ERO1B: variants seen among roughly 807,000 people sequenced by gnomAD.
The protein encoded by ERO1B is ERO1-like protein beta.
ERO1B carries 49 observed loss-of-function variants against 75.3 expected under a neutral mutation model. The ratio of observed to expected loss-of-function variants is 0.65; its 90% CI spans 0.52 to 0.83. The LOEUF (loss-of-function observed/expected upper bound fraction) is 0.83. Ranked by LOEUF, ERO1B falls within the 40% of genes least tolerant of loss-of-function variation. The pLI, the probability that ERO1B is intolerant of heterozygous loss-of-function variation, is 0.00. For missense variants in ERO1B, 512 were observed against 560.1 expected (o/e 0.91, Z 0.87); for synonymous variants, 191 against 192.9 (o/e 0.99, Z 0.08).
intron 8 of ERO1B, among the ~76,000 whole-genome samples, chr1:236,234,387 G>A (rs967444216): frequency 6.6e-6 from 1 of 152,162 alleles, no homozygotes; most frequent in Non-Finnish European, 1.5e-5. Context: ...AGTATTAAGT[G>A]GCTGTAGAAA....
intron 1 of ERO1B, 27 bp from the exon 2 acceptor site, chr1:236,270,021 T>C (rs1402675066): frequency 8.7e-6 from 13 of 1,494,364 alleles, no homozygotes; most frequent in Admixed American, 3.9e-5. Context: ...TTAAAATATG[T>C]AAACTACTGA....
chr1:236,260,386 G>A lies in ERO1B; in HGVS notation c.223-6881C>T, dbSNP rs546244471. On this transcript the variant is annotated intron_variant, in intron 2 of 15. Coordinates refer to ENST00000354619, the MANE Select transcript of ERO1B (RefSeq NM_019891.4). ...ATCAAAGAAAGACGAGGCACTGGGCGCAGTGGCTCATGCCTGTAATCTCAG... is the reference window on the plus strand; with the variant it reads ...ATCAAAGAAAGACGAGGCACTGGGCACAGTGGCTCATGCCTGTAATCTCAG... Among the ~76,000 whole-genome samples the A allele has an allele frequency of 2.6e-4, 40 of 152,280 alleles. No individual in the cohort carries two copies. In the South Asian group the frequency reaches 2.9e-3, roughly 11 times the overall value.
chr1:236,225,261 G>A, intron 12 of ERO1B, 122 bp from the exon 13 acceptor site: 1 of 919,170 alleles, frequency 1.1e-6, no homozygotes, highest in African/African-American at 1.7e-5. Flanking sequence ...TCCGATGTAA[G>A]TTTTGGTAAT....
At chr1:236,247,791 G>C (rs1426503421) in intron 5 of ERO1B, among the ~76,000 whole-genome samples, 1 of 152,078 alleles carries the variant, frequency 6.6e-6, no homozygotes, top group African/African-American at 2.4e-5. Flanking sequence ...GTCTTATTGT[G>C]TTTAAGTCTA....
intron 10 of ERO1B, among the ~76,000 whole-genome samples, chr1:236,228,820 G>C (rs573637674): frequency 5.3e-5 from 8 of 152,276 alleles, no homozygotes; most frequent in African/African-American, 1.9e-4. Flanking sequence ...CTGCCTATAA[G>C]GGAATGCTCT....
Position 236,218,490 on chromosome 1 carries a change from T to A in ERO1B, c.*26A>T. 2 of 1,428,880 alleles carry A rather than the reference T, an allele frequency of 1.4e-6. No individual in the cohort carries two copies. Among genetic ancestry groups the A allele is most frequent in the East Asian group, 5.6e-5 (2 of 35,460 alleles). The allele number at this position is 1,428,880 out of a possible 1,614,324, so 88.5% of individuals were successfully genotyped here. A position where few individuals can be genotyped will look rare whatever the true frequency, so the allele number is the denominator to read the frequency against. On this transcript the variant is annotated 3_prime_UTR_variant, in exon 16 of 16. Transcript: ENST00000354619. ...AGGCTTTCCACAGTCACTTTATGTCTCTAGTTAGACACATAAAAGCCTTTA... is the reference window on the plus strand; with the variant it reads ...AGGCTTTCCACAGTCACTTTATGTCACTAGTTAGACACATAAAAGCCTTTA...
At chr1:236,241,939 G>T (rs1664715386) in intron 6 of ERO1B, among the ~76,000 whole-genome samples, 1 of 151,554 alleles carries the variant, frequency 6.6e-6, no homozygotes, top group Non-Finnish European at 1.5e-5. Context: ...GTGGTGGTGG[G>T]CACCTGTAGT....
At chr1:236,279,955 T>C (rs1413226793) in intron 1 of ERO1B, among the ~76,000 whole-genome samples, 1 of 152,150 alleles carries the variant, frequency 6.6e-6, no homozygotes, top group Non-Finnish European at 1.5e-5. Context: ...TCTTTAACTG[T>C]TGGACTATAT....
At position 236,215,792 on chromosome 1, in the gene ERO1B, G is replaced by A. The variant is rs1000412504; in HGVS notation, c.*2724C>T. 1 of 152,108 alleles carries A rather than the reference G, an allele frequency of 6.6e-6. No individual in the cohort carries two copies. The highest frequency in any genetic ancestry group is 1.5e-5 in the Non-Finnish European group (1 of 68,002). 9.4% of individuals were successfully genotyped at this position (152,108 alleles called of 1,614,324 possible). A position where few individuals can be genotyped will look rare whatever the true frequency, so the allele number is the denominator to read the frequency against. On this transcript the variant is annotated 3_prime_UTR_variant, in exon 16 of 16. Transcript: ENST00000354619. ...GGTACCTCAGTTTGCAAACTACTGA[G>A]AGGTTTACTGTGAACTGTTCCCAAA...
Position 236,226,704 on chromosome 1 carries a change from T to C in ERO1B, c.748A>G (p.Ile250Val), listed in dbSNP as rs576409948. 22 of 1,612,756 alleles carry C rather than the reference T, an allele frequency of 1.4e-5. 1 individual carries two copies. The highest frequency in any genetic ancestry group is 1.3e-4 in the South Asian group (12 of 90,546). ...CLEKRVFYKL[I>V]SGLHASINLH... ...TTGATGCTAGCATGAAGTCCCGATA[T>C]AAGCTTATAGAAGACTCTTTTCTCC... Residue 250 changes from isoleucine (I) to valine (V), a missense_variant, in exon 11 of 16, where the codon ATA (isoleucine) becomes GTA (valine). By Grantham distance (29) the Ile-to-Val change is conservative. Transcript: ENST00000354619.
At chr1:236,254,419 G>T (rs1468018723) in intron 2 of ERO1B, among the ~76,000 whole-genome samples, 1 of 152,058 alleles carries the variant, frequency 6.6e-6, no homozygotes, top group Admixed American at 6.6e-5. Flanking sequence ...AAACAGATCA[G>T]ATCATATCAA....
At chr1:236,261,391 G>C (rs1665291075) in intron 2 of ERO1B, among the ~76,000 whole-genome samples, 1 of 152,150 alleles carries the variant, frequency 6.6e-6, no homozygotes, top group Non-Finnish European at 1.5e-5. Flanking sequence ...TGATCTCATA[G>C]AGAGAAAACT....
In ERO1B at chr1:236,221,943, C is replaced by T. The variant is rs369694423; in HGVS notation, c.1190G>A (p.Arg397Lys). 3.0e-5 allele frequency: 48 copies of T among 1,613,336 alleles called. No homozygotes were observed. Among genetic ancestry groups the T allele is most frequent in the Non-Finnish European group, 3.9e-5 (46 of 1,179,542 alleles). ...ATATACCTGTAATTTTCCCCATAATCTGCATTTGTCACATCCAACACAGTC... is the reference window on the plus strand; with the variant it reads ...ATATACCTGTAATTTTCCCCATAATTTGCATTTGTCACATCCAACACAGTC... ...IMDCVGCDKC[R>K]LWGKLQTQGL... is the part of the protein sequence containing the mutation. Residue 397 changes from arginine to lysine, a missense_variant, in exon 14 of 16, where the codon AGA (arginine) becomes AAA (lysine). Physicochemically the swap from Arg to Lys is conservative, Grantham distance 26 (BLOSUM62 2). Coordinates refer to ENST00000354619, the MANE Select transcript of ERO1B (RefSeq NM_019891.4).
intron 3 of ERO1B, among the ~76,000 whole-genome samples, chr1:236,252,614 T>C (rs1244255268): frequency 6.6e-6 from 1 of 152,208 alleles, no homozygotes; most frequent in African/African-American, 2.4e-5. Flanking sequence ...AGCTGGAACA[T>C]TCTTTTTCAC....
At chr1:236,281,587 C>T in intron 1 of ERO1B, 95 bp downstream of exon 1, 1 of 954,686 alleles carries the variant, frequency 1.0e-6, no homozygotes, top group Non-Finnish European at 1.4e-6. Context: ...CTGGCCCGGC[C>T]CTGCCCGGCC....
chr1:236,266,792 C>A (rs1467213418), intron 2 of ERO1B, among the ~76,000 whole-genome samples: 1 of 152,010 alleles, frequency 6.6e-6, no homozygotes. Context: ...CCCAAATATC[C>A]TAGAGTTAGA....
At chr1:236,264,545 C>T (rs948081163) in intron 2 of ERO1B, among the ~76,000 whole-genome samples, 1 of 152,096 alleles carries the variant, frequency 6.6e-6, no homozygotes, top group African/African-American at 2.4e-5. Flanking sequence ...TCACTGGAGA[C>T]TCAGAAGGGT....
rs1338547985 is a variant in ERO1B, at chr1:236,218,366, G to C, written c.*150C>G. The C allele has an allele frequency of 3.6e-6, 2 of 559,634 alleles. No individual in the cohort carries two copies. The highest frequency in any genetic ancestry group is 5.1e-6 in the Non-Finnish European group (2 of 390,872). The allele number at this position is 559,634 out of a possible 1,614,324, so 34.7% of individuals were successfully genotyped here. A position where few individuals can be genotyped will look rare whatever the true frequency, so the allele number is the denominator to read the frequency against. The stretch of plus-strand genomic sequence containing the variant: ...TCTCTAGTTGATAATAATCTATTAA[G>C]AATCATAAATATTCAAGTGAGCATT... On this transcript the variant is annotated 3_prime_UTR_variant, in exon 16 of 16. Transcript: ENST00000354619.
intron 8 of ERO1B, among the ~76,000 whole-genome samples, chr1:236,233,978 C>T (rs1664478822): frequency 6.6e-6 from 1 of 152,128 alleles, no homozygotes; most frequent in Non-Finnish European, 1.5e-5. Context: ...CATTTTTGGA[C>T]AAAAGTTCCT....
Sources: allele counts gnomAD v4.1 joint callset (sites outside exome capture counted in the v4.1 genomes callset), GRCh38; gene constraint gnomAD v4.1.1; transcripts MANE v1.5; gene names NCBI Gene and HGNC (gene_info 2026-07-23, HGNC 2026-07-21).